RELCH: variants seen among roughly 807,000 people sequenced by gnomAD.
RELCH encodes the protein RAB11-binding protein RELCH.
RELCH carries 41 observed loss-of-function variants against 150.3 expected under a neutral mutation model. The observed-to-expected ratio is 0.27, with a 90% CI of 0.21 to 0.35. The LOEUF is 0.35. Ranked by LOEUF, RELCH falls within the 10% of genes least tolerant of loss-of-function variation. RELCH has a pLI of 1.00. For missense variants in RELCH, 1,092 were observed against 1,467.8 expected (o/e 0.74, Z 4.18); for synonymous variants, 478 against 531.8 (o/e 0.90, Z 1.39).
intron 1 of RELCH, among the ~76,000 whole-genome samples, chr18:62,193,707 T>G (rs1369919012): frequency 6.6e-6 from 1 of 152,254 alleles, no homozygotes; most frequent in Non-Finnish European, 1.5e-5. Context: ...AACTCAGGGA[T>G]GAAGCCAACT....
At chr18:62,285,893 C>T (rs1299688400) in intron 25 of RELCH, 1 of 152,184 alleles carries the variant, frequency 6.6e-6, no homozygotes, top group Non-Finnish European at 1.5e-5. Context: ...TTAATTAATA[C>T]ATATGTGGTA....
intron 10 of RELCH, among the ~76,000 whole-genome samples, chr18:62,235,949 C>T (rs572676021): frequency 1.3e-5 from 2 of 151,848 alleles, no homozygotes; most frequent in South Asian, 4.2e-4. Context: ...TTTATTTTTT[C>T]CTCTTGCTTA....
chr18:62,256,068 G>A (rs2042979199), intron 13 of RELCH, among the ~76,000 whole-genome samples: 1 of 152,072 alleles, frequency 6.6e-6, no homozygotes, highest in South Asian at 2.1e-4. Context: ...AAAATAGAAA[G>A]TACTCATATA....
intron 13 of RELCH, 103 bp from the exon 14 acceptor site, chr18:62,257,845 T>A (rs2043064794): frequency 2.7e-5 from 24 of 877,260 alleles, no homozygotes; most frequent in Non-Finnish European, 3.7e-5. Context: ...AAAATGTTAA[T>A]ACCTGTTTAA....
intron 11 of RELCH, 78 bp from the exon 12 acceptor site, chr18:62,252,586 A>T: frequency 1.0e-6 from 1 of 959,148 alleles, no homozygotes; most frequent in Non-Finnish European, 1.7e-6. Context: ...GAATTTATAG[A>T]GATGAGACTT....
chr18:62,301,828 A>G (rs2045676544), intron 28 of RELCH, among the ~76,000 whole-genome samples: 1 of 152,240 alleles, frequency 6.6e-6, no homozygotes, highest in East Asian at 1.9e-4. Context: ...TGGGAAAGTA[A>G]CAATAAGTAA....
intron 5 of RELCH, 21 bp from the exon 6 acceptor site, chr18:62,227,268 T>C (rs774538220): frequency 2.3e-5 from 33 of 1,438,540 alleles, no homozygotes; most frequent in Non-Finnish European, 3.1e-5. Context: ...AGATTTTTTA[T>C]GTTTTTTTTT....
intron 27 of RELCH, among the ~76,000 whole-genome samples, 197 bp from the exon 28 acceptor site, chr18:62,298,593 A>G (rs146527742): frequency 2.3e-3 from 347 of 152,306 alleles, no homozygotes; most frequent in Non-Finnish European, 3.6e-3. Flanking sequence ...TTATTGTTAT[A>G]TGATTGAGAT....
At chr18:62,252,529 TAAATA>T in intron 11 of RELCH, 130 bp from the exon 12 acceptor site, 1 of 672,978 alleles carries the variant, frequency 1.5e-6, no homozygotes, top group East Asian at 2.7e-5. Context: ...AAAAAATAAA[TAAATA>T]AAAAGTCTAA....
intron 8 of RELCH, among the ~76,000 whole-genome samples, chr18:62,230,307 A>T (rs1269107550): frequency 6.6e-6 from 1 of 151,942 alleles, no homozygotes; most frequent in African/African-American, 2.4e-5. Context: ...AAAAAAAAGG[A>T]TCAAGCCTGA....
intron 11 of RELCH, among the ~76,000 whole-genome samples, chr18:62,248,559 A>C (rs907253792): frequency 6.6e-6 from 1 of 152,176 alleles, no homozygotes; most frequent in Non-Finnish European, 1.5e-5. Flanking sequence ...TCTAATTCAC[A>C]TACTGCTTTG....
At chr18:62,197,175 A>G (rs1426847403) in intron 1 of RELCH, among the ~76,000 whole-genome samples, 1 of 152,192 alleles carries the variant, frequency 6.6e-6, no homozygotes, top group African/African-American at 2.4e-5. Context: ...TGCTTACCAT[A>G]TAATAGGGTG....
intron 10 of RELCH, 70 bp from the exon 11 acceptor site, chr18:62,244,694 A>G: frequency 2.0e-6 from 2 of 991,072 alleles, no homozygotes; most frequent in South Asian, 1.4e-5. Context: ...ATTTAAGAAT[A>G]TTGTGGAGGA....
intron 1 of RELCH, among the ~76,000 whole-genome samples, chr18:62,205,148 C>T (rs1270193693): frequency 1.3e-5 from 2 of 152,144 alleles, no homozygotes; most frequent in East Asian, 3.8e-4. Flanking sequence ...TTAAGTTGCA[C>T]ATATCAGTAC....
intron 7 of RELCH, 83 bp from the exon 8 acceptor site, chr18:62,228,222 C>T: frequency 9.1e-7 from 1 of 1,093,536 alleles, no homozygotes; most frequent in Non-Finnish European, 1.3e-6. Flanking sequence ...GCTTTTAAAA[C>T]ATTAAACCCA....
At chr18:62,273,849 A>T (rs2044045187) in intron 20 of RELCH, 131 bp from the exon 21 acceptor site, 1 of 607,224 alleles carries the variant, frequency 1.6e-6, no homozygotes, top group African/African-American at 1.9e-5. Flanking sequence ...AATATCTTTT[A>T]ATTAAAATAG....
intron 10 of RELCH, among the ~76,000 whole-genome samples, chr18:62,238,902 C>A (rs145141340): frequency 1.5e-4 from 23 of 152,162 alleles, no homozygotes; most frequent in African/African-American, 5.1e-4. Context: ...AAGGAAAGAA[C>A]CAATTCCCTA....
chr18:62,232,206 C>T, intron 9 of RELCH, 126 bp from the exon 10 acceptor site: 1 of 576,664 alleles, frequency 1.7e-6, no homozygotes, highest in Middle Eastern at 3.8e-4. Context: ...TTGTTGTTAT[C>T]ATAAGTTAAA....
chr18:62,268,924 A>G lies in RELCH; in HGVS notation c.2736A>G (p.Thr912=), dbSNP rs747745043. The part of the protein sequence containing the change: ...LTKATVPIYA[T]GVLTCYIQEE... ...AAGCTACAGTCCCCATTTATGCAAC[A>G]GGAGTCCTTACGTGTTATATTCAGG... The change falls in exon 20 of 29, where the codon ACA becomes ACG. Residue 912 remains threonine (T), a synonymous_variant. Transcript: ENST00000644646. 2.6e-6 allele frequency: 4 copies of G among 1,549,502 alleles called. No homozygotes were observed. Among genetic ancestry groups the G allele is most frequent in the Non-Finnish European group, 3.5e-6 (4 of 1,143,996 alleles).
Sources: gnomAD v4.1 joint callset for allele counts (sites outside exome capture counted in the v4.1 genomes callset) on GRCh38, gnomAD v4.1.1 for gene constraint, MANE v1.5 for transcripts, NCBI Gene and HGNC (gene_info 2026-07-23, HGNC 2026-07-21) for gene names.